Variants in KDM4B observed in about 807,000 individuals in gnomAD.
The protein encoded by KDM4B is lysine demethylase 4B, also known as lysine-specific demethylase 4B.
A neutral mutation model predicts 125.2 loss-of-function variants in KDM4B; 32 were observed. The observed-to-expected ratio is 0.26, with a 90% CI of 0.19 to 0.34. The LOEUF is 0.34. Ranked by LOEUF, KDM4B falls within the 10% of genes least tolerant of loss-of-function variation. KDM4B has a pLI of 1.00. For synonymous variants in KDM4B, 721 were observed against 677.9 expected, an observed-to-expected ratio of 1.06 and a Z score of -0.99; for missense variants, 1,190 against 1,577.7, an observed-to-expected ratio of 0.75 and a Z score of 4.16.
chr19:4,974,342 C>T (rs1449581605), intron 1 of KDM4B, among the ~76,000 whole-genome samples: 2 of 149,258 alleles, frequency 1.3e-5, no homozygotes, highest in Non-Finnish European at 3.0e-5. Context: ...GCGGAGCTTG[C>T]AGTGAGTTGA....
intron 21 of KDM4B, 127 bp from the exon 22 acceptor site, chr19:5,150,230 TG>T (rs2039922216): frequency 1.6e-6 from 1 of 642,714 alleles, no homozygotes; most frequent in South Asian, 1.9e-5. Flanking sequence ...TCAGCTTGGC[TG>T]CATGTGGCCT....
Position 4,986,642 on chromosome 19 carries a change from C to T in KDM4B, c.-109+17412C>T, listed in dbSNP as rs561081844. ...TGGAGAGAGCCTGGATTAGGGCCCT[C>T]GAGGGGCGGCGCTGCTTTAGCCGGG... On this transcript the variant is annotated intron_variant, in intron 1 of 22. Coordinates refer to ENST00000159111, the MANE Select transcript of KDM4B (RefSeq NM_015015.3). Among the ~76,000 whole-genome samples the T allele has an allele frequency of 3.2e-4, 48 of 152,308 alleles. No individual in the cohort carries two copies. The South Asian group carries it at 6.4e-3, about 20-fold the overall frequency.
intron 1 of KDM4B, among the ~76,000 whole-genome samples, chr19:4,983,183 C>T (rs4807675): frequency 0.11 from 14,755 of 133,624 alleles, 989 homozygotes; most frequent in Admixed American, 0.17. Flanking sequence ...TTGTGTATTT[C>T]CCCTGAGAGC....
intron 14 of KDM4B, 121 bp downstream of exon 14, chr19:5,134,182 C>T (rs2039608607): frequency 3.2e-6 from 3 of 950,970 alleles, no homozygotes; most frequent in Non-Finnish European, 4.7e-6. Context: ...GGCCAGCACC[C>T]CGAGTTGTGA....
At chr19:4,983,845 C>T (rs1351858666) in intron 1 of KDM4B, among the ~76,000 whole-genome samples, 3 of 152,172 alleles carry the variant, frequency 2.0e-5, no homozygotes, top group African/African-American at 7.2e-5. Flanking sequence ...CACCCGGAGA[C>T]CTGCTACCCA....
At chr19:5,127,008 G>A (rs1325464111) in intron 11 of KDM4B, among the ~76,000 whole-genome samples, 3 of 152,334 alleles carry the variant, frequency 2.0e-5, no homozygotes, top group Non-Finnish European at 2.9e-5. Context: ...TTTGCTGGAG[G>A]CTCTGGTGGA....
intron 17 of KDM4B, 120 bp from the exon 18 acceptor site, chr19:5,137,842 C>T: frequency 2.8e-6 from 3 of 1,058,308 alleles, no homozygotes; most frequent in East Asian, 2.6e-5. Context: ...TACGCCTGCA[C>T]CGACCTTCCT....
intron 11 of KDM4B, among the ~76,000 whole-genome samples, chr19:5,126,662 C>T (rs989019652): frequency 2.6e-5 from 4 of 152,222 alleles, no homozygotes; most frequent in Non-Finnish European, 5.9e-5. Flanking sequence ...GTCTGGAGGG[C>T]GGCCCCAGCT....
rs149752476 is a variant in KDM4B, at chr19:5,012,397, G to A, written c.-108-3860G>A. ...GTTAATGACACTTCCCGCTTCATTC[G>A]GATTGCCTCTGCTTTCCCCTAATGG... On this transcript the variant is annotated intron_variant, in intron 1 of 22. Coordinates refer to ENST00000159111, the MANE Select transcript of KDM4B (RefSeq NM_015015.3). Among the ~76,000 whole-genome samples the A allele has an allele frequency of 4.1e-3, 627 of 152,200 alleles. 2 individuals are homozygous for A. The highest frequency in any genetic ancestry group is 5.4e-3 in the Non-Finnish European group (366 of 68,024).
intron 1 of KDM4B, among the ~76,000 whole-genome samples, chr19:4,984,582 G>A (rs942626489): frequency 6.6e-6 from 1 of 152,146 alleles, no homozygotes; most frequent in African/African-American, 2.4e-5. Flanking sequence ...TGTTCCGTAC[G>A]CCTCGTCAGG....
At position 5,001,421 on chromosome 19, in the gene KDM4B, C is replaced by T. The variant is rs563713137; in HGVS notation, c.-108-14836C>T. Among the ~76,000 whole-genome samples, 6 of 152,308 alleles carry T rather than the reference C, an allele frequency of 3.9e-5. No homozygotes were observed. The East Asian group carries it at 1.2e-3, about 29-fold the overall frequency. Reference sequence around the variant, plus strand: ...TCATTGGCCAGGGAGCTCTTCCTGGCTCCCCTGCACAGCTGCGTAGTGTTC... The same window carrying T: ...TCATTGGCCAGGGAGCTCTTCCTGGTTCCCCTGCACAGCTGCGTAGTGTTC... On this transcript the variant is annotated intron_variant, in intron 1 of 22. Coordinates refer to ENST00000159111, the MANE Select transcript of KDM4B (RefSeq NM_015015.3).
chr19:4,980,912 C>G (rs1000675922), intron 1 of KDM4B, among the ~76,000 whole-genome samples: 1 of 120,966 alleles, frequency 8.3e-6, no homozygotes, highest in African/African-American at 3.3e-5. Context: ...GAGATGGCCC[C>G]GGGGCAGACA....
intron 1 of KDM4B, among the ~76,000 whole-genome samples, chr19:5,000,288 T>G (rs570798760): frequency 7.1e-6 from 1 of 140,770 alleles, no homozygotes; most frequent in African/African-American, 2.7e-5. Flanking sequence ...CATCCATCTA[T>G]TCATTCACCG....
At chr19:5,041,645 G>A (rs1345559252) in intron 5 of KDM4B, among the ~76,000 whole-genome samples, 1 of 152,372 alleles carries the variant, frequency 6.6e-6, no homozygotes, top group South Asian at 2.1e-4. Flanking sequence ...TCCTGACTTG[G>A]GCTCAGGGCC....
intron 1 of KDM4B, among the ~76,000 whole-genome samples, chr19:5,015,904 G>T (rs2035878517): frequency 6.6e-6 from 1 of 152,142 alleles, no homozygotes; most frequent in African/African-American, 2.4e-5. Flanking sequence ...TGCATTTTCT[G>T]CACTTTTCCC....
At chr19:5,083,887 G>A (rs577971160) in intron 9 of KDM4B, among the ~76,000 whole-genome samples, 25 of 152,296 alleles carry the variant, frequency 1.6e-4, no homozygotes, top group Non-Finnish European at 2.9e-4. Flanking sequence ...CCAGATGTGG[G>A]GGAGGTGTGA....
intron 8 of KDM4B, among the ~76,000 whole-genome samples, chr19:5,080,430 C>T (rs1049970650): frequency 3.9e-5 from 6 of 152,214 alleles, no homozygotes; most frequent in East Asian, 1.9e-4. Context: ...CTTGAGCAGA[C>T]GCGTTACGAA....
intron 18 of KDM4B, among the ~76,000 whole-genome samples, chr19:5,140,097 C>T (rs1393548038): frequency 6.6e-6 from 1 of 152,234 alleles, no homozygotes; most frequent in Admixed American, 6.5e-5. Flanking sequence ...GCTGGGCCCA[C>T]TCCCTAAAGC....
chr19:5,035,206 A>G lies in KDM4B; in HGVS notation c.141+2175A>G, dbSNP rs1012761254. The stretch of plus-strand genomic sequence containing the variant: ...CCTCTTCCTCCTCTCCCTGGTGCAC[A>G]TAGGGCAGGTGGGACAGGCGTCGCC... On this transcript the variant is annotated intron_variant, in intron 3 of 22. Coordinates refer to ENST00000159111, the MANE Select transcript of KDM4B (RefSeq NM_015015.3). This position sits in a 1 kb window ranked among gnomAD's most constrained non-coding sequence, Gnocchi z 5.3. 3.3e-5 allele frequency among the ~76,000 whole-genome samples: 5 copies of G among 152,134 alleles called. No individual in the cohort carries two copies. The highest frequency in any genetic ancestry group is 4.1e-4 in the South Asian group (2 of 4,822).
Sources: allele counts gnomAD v4.1 joint callset (sites outside exome capture counted in the v4.1 genomes callset), GRCh38; gene constraint gnomAD v4.1.1; non-coding constraint Gnocchi (gnomAD v3.1); transcripts MANE v1.5; gene names NCBI Gene and HGNC (gene_info 2026-07-23, HGNC 2026-07-21).